AGPAT5: variants seen among roughly 807,000 people sequenced by gnomAD.
The protein encoded by AGPAT5 is 1-acyl-sn-glycerol-3-phosphate acyltransferase epsilon.
Under a neutral mutation model 45.6 loss-of-function variants are expected in AGPAT5, and 46 were observed. The ratio of observed to expected loss-of-function variants is 1.01; its 90% confidence interval spans 0.80 to 1.29. AGPAT5 has a LOEUF of 1.29. AGPAT5 is among the 50% of genes most tolerant of loss of function. The pLI is 0.00. For missense variants in AGPAT5, 673 were observed against 450.7 expected (o/e 1.49, Z -4.47); for synonymous variants, 272 against 167.0 (o/e 1.63, Z -4.85).
In AGPAT5 at chr8:6,747,749, A is replaced by C. The variant is rs1224156263; in HGVS notation, c.666A>C (p.Leu222Phe). The C allele has an allele frequency of 6.2e-7, 1 of 1,614,224 alleles. No individual in the cohort carries two copies. Among genetic ancestry groups the C allele is most frequent in the South Asian group, 1.1e-5 (1 of 91,088 alleles). ...HVAFDCMKNY[L>F]DAIYDVTVVY... is the part of the protein sequence containing the mutation. ...CTTTTGATTGCATGAAGAATTATTT[A>C]GATGCAATTTATGATGTTACGGTGG... is the stretch of plus-strand genomic sequence containing the variant. Residue 222 changes from leucine to phenylalanine, a missense_variant, in exon 6 of 8, where the codon TTA (leucine) becomes TTC (phenylalanine). Transcript: ENST00000285518.
chr8:6,751,180 G>C (rs931644041), intron 6 of AGPAT5, among the ~76,000 whole-genome samples: 2 of 152,136 alleles, frequency 1.3e-5, no homozygotes, highest in Non-Finnish European at 2.9e-5. Context: ...GTGTTAGGTA[G>C]AAAATTCTGT....
At position 6,745,273 on chromosome 8, in the gene AGPAT5, C is replaced by A. The variant is rs115912053; in HGVS notation, c.587-2397C>A. On this transcript the variant is annotated intron_variant, in intron 5 of 7. Transcript: ENST00000285518. ...GCTCTTGATTCCGTCTACCCTGTCT[C>A]CATCGTTGCCTCAGTCATCTGCCTT... 205 of 154,474 alleles carry A rather than the reference C, an allele frequency of 1.3e-3. 1 individual carries two copies. The highest frequency in any genetic ancestry group is 4.8e-3 in the African/African-American group (199 of 41,638). 9.6% of individuals were successfully genotyped at this position (154,474 alleles called of 1,614,324 possible). A position where few individuals can be genotyped will look rare whatever the true frequency, so the allele number is the denominator to read the frequency against.
intron 2 of AGPAT5, among the ~76,000 whole-genome samples, chr8:6,728,852 T>G (rs1261455403): frequency 6.6e-6 from 1 of 152,218 alleles, no homozygotes; most frequent in Admixed American, 6.5e-5. Context: ...TCAGTTATTA[T>G]TTCTTCCATC....
rs959086324 is a variant in AGPAT5 at position 6,739,691 on chromosome 8, T to C, written c.496-1970T>C. The stretch of plus-strand genomic sequence containing the variant: ...ATTTCCTACATAAACAATCATGTCA[T>C]TGTTATAGAAATAACAGTTTTACTT... On this transcript the variant is annotated intron_variant, in intron 4 of 7. Coordinates refer to ENST00000285518, the MANE Select transcript of AGPAT5 (RefSeq NM_018361.5). 2.4e-4 allele frequency among the ~76,000 whole-genome samples: 36 copies of C among 152,100 alleles called. 1 individual carries two copies. The highest frequency in any genetic ancestry group is 8.3e-4 in the South Asian group (4 of 4,834).
At chr8:6,751,690 C>T (rs1405887459) in intron 6 of AGPAT5, among the ~76,000 whole-genome samples, 1 of 152,022 alleles carries the variant, frequency 6.6e-6, no homozygotes, top group Non-Finnish European at 1.5e-5. Context: ...AGAGACGAAA[C>T]AGTGTAGTTT....
chr8:6,725,642 T>C (rs2116882679), intron 2 of AGPAT5, among the ~76,000 whole-genome samples: 1 of 152,352 alleles, frequency 6.6e-6, no homozygotes. Context: ...AAGGTACTTT[T>C]TAATTCTCCA....
chr8:6,718,616 C>T (rs767817245), intron 1 of AGPAT5, among the ~76,000 whole-genome samples: 7 of 152,184 alleles, frequency 4.6e-5, no homozygotes, highest in Non-Finnish European at 7.3e-5. Context: ...GATTTACAGG[C>T]GGCTGATGAT....
rs561569814 is a variant in AGPAT5 at position 6,739,789 on chromosome 8, C to G, written c.496-1872C>G. 4.6e-5 allele frequency among the ~76,000 whole-genome samples: 7 copies of G among 152,144 alleles called. No individual in the cohort carries two copies. In the East Asian group the frequency reaches 1.4e-3, roughly 29 times the overall value. ...TTCTGGCTAGACCTCCTAGTACAGC[C>G]TTGACTAGAACTGGTGTGAGGGAAA... On this transcript the variant is annotated intron_variant, in intron 4 of 7. Transcript: ENST00000285518.
intron 4 of AGPAT5, among the ~76,000 whole-genome samples, chr8:6,740,663 G>C (rs1173742390): frequency 6.6e-6 from 1 of 151,952 alleles, no homozygotes; most frequent in Non-Finnish European, 1.5e-5. Flanking sequence ...CATTATACCA[G>C]TATCTAAAGA....
At chr8:6,724,992 C>A in intron 2 of AGPAT5, 53 bp downstream of exon 2, 1 of 647,714 alleles carries the variant, frequency 1.5e-6, no homozygotes, top group Non-Finnish European at 2.2e-6. Flanking sequence ...GGCACATGGG[C>A]ATTCAAAATA....
intron 2 of AGPAT5, among the ~76,000 whole-genome samples, chr8:6,730,331 T>TACGCGCTAACTGGG: frequency 1.4e-4 from 3 of 22,164 alleles, no homozygotes; most frequent in Admixed American, 4.2e-4. Context: ...TTTTTTTTTT[T>TACGCGCTAACTGGG]TTTTTTTTTT....
intron 2 of AGPAT5, among the ~76,000 whole-genome samples, chr8:6,726,740 T>A (rs28561084): frequency 0.025 from 3,792 of 152,282 alleles, 156 homozygotes; most frequent in African/African-American, 0.086. Context: ...TTTATCAGTT[T>A]AGAGAACCAC....
At chr8:6,732,779 G>A in intron 4 of AGPAT5, 129 bp downstream of exon 4, 1 of 847,320 alleles carries the variant, frequency 1.2e-6, no homozygotes, top group Non-Finnish European at 1.7e-6. Flanking sequence ...GGGTTATGCT[G>A]AGGTAACAGA....
intron 1 of AGPAT5, 46 bp downstream of exon 1, chr8:6,708,933 C>A: frequency 6.5e-7 from 1 of 1,550,318 alleles, no homozygotes; most frequent in South Asian, 1.2e-5. Flanking sequence ...CCCGAGCTCC[C>A]GGGGGCGCGG....
At chr8:6,731,067 G>A (rs534702165) in intron 3 of AGPAT5, among the ~76,000 whole-genome samples, 3 of 151,838 alleles carry the variant, frequency 2.0e-5, no homozygotes, top group East Asian at 3.9e-4. Context: ...TGGGGGTCTC[G>A]CTGTGTTGCC....
intron 4 of AGPAT5, among the ~76,000 whole-genome samples, chr8:6,733,098 A>G (rs1229982418): frequency 6.6e-6 from 1 of 152,216 alleles, no homozygotes; most frequent in Non-Finnish European, 1.5e-5. Context: ...CAAATGTTAA[A>G]TCATTCAGTG....
At chr8:6,719,140 T>C (rs1035695225) in intron 1 of AGPAT5, among the ~76,000 whole-genome samples, 1 of 152,252 alleles carries the variant, frequency 6.6e-6, no homozygotes, top group Non-Finnish European at 1.5e-5. Flanking sequence ...ATATGGTGAA[T>C]TATATGGCAT....
At position 6,756,007 on chromosome 8, in the gene AGPAT5, C is replaced by G. The variant is rs185007894; in HGVS notation, c.869+833C>G. 1.9e-3 allele frequency among the ~76,000 whole-genome samples: 293 copies of G among 152,218 alleles called. 2 individuals are homozygous for G. Among genetic ancestry groups the G allele is most frequent in the African/African-American group, 6.8e-3 (284 of 41,528 alleles). On this transcript the variant is annotated intron_variant, in intron 7 of 7. Coordinates refer to ENST00000285518, the MANE Select transcript of AGPAT5 (RefSeq NM_018361.5). The stretch of plus-strand genomic sequence containing the variant: ...GAAAAAAGACTAATGTATTTAATGT[C>G]CTACTTATTTTATAAGTATTTAGAA...
At chr8:6,750,285 T>C (rs906008075) in intron 6 of AGPAT5, among the ~76,000 whole-genome samples, 11 of 152,230 alleles carry the variant, frequency 7.2e-5, no homozygotes, top group African/African-American at 2.2e-4. Flanking sequence ...CAAAACCTTC[T>C]GTGAGTTGCA....
Sources: allele counts gnomAD v4.1 joint callset (sites outside exome capture counted in the v4.1 genomes callset), GRCh38; gene constraint gnomAD v4.1.1; transcripts MANE v1.5; gene names NCBI Gene and HGNC (gene_info 2026-07-23, HGNC 2026-07-21).